The following KCNIP1 variants were observed in gnomAD, a reference collection of about 807,000 sequenced individuals.
The protein encoded by KCNIP1 is potassium voltage-gated channel interacting protein 1.
A neutral mutation model predicts 33.0 loss-of-function variants in KCNIP1; 18 were observed. That is an observed-to-expected ratio of 0.55 (90% CI 0.38 to 0.81). KCNIP1 has a LOEUF of 0.81. KCNIP1 is among the 30% of genes least tolerant of loss of function. KCNIP1 has a pLI of 0.00. For synonymous variants in KCNIP1, 93 were observed against 98.3 expected (o/e 0.95, Z 0.32); for missense variants, 238 against 271.6 (o/e 0.88, Z 0.87).
At chr5:170,707,333 G>A (rs1020651762) in intron 1 of KCNIP1, among the ~76,000 whole-genome samples, 117 of 152,214 alleles carry the variant, frequency 7.7e-4, no homozygotes, top group African/African-American at 2.7e-3. Context: ...CAGTGGTGAG[G>A]GCACGTGAGA....
chr5:170,641,088 G>A (rs777308459), intron 1 of KCNIP1, among the ~76,000 whole-genome samples: 7 of 151,994 alleles, frequency 4.6e-5, no homozygotes, highest in Non-Finnish European at 8.8e-5. Context: ...AAGCAGAGGC[G>A]GTCCCCACCT....
intron 2 of KCNIP1, 88 bp from the exon 3 acceptor site, chr5:170,720,233 G>A (rs1304614583): frequency 4.4e-6 from 4 of 909,966 alleles, no homozygotes; most frequent in Admixed American, 1.8e-5. Context: ...TGGGGATCAT[G>A]AGGAACCCCA....
chr5:170,530,522 T>C (rs1328692315), intron 1 of KCNIP1, among the ~76,000 whole-genome samples: 2 of 152,190 alleles, frequency 1.3e-5, no homozygotes, highest in African/African-American at 4.8e-5. Flanking sequence ...CTGCCTCTCA[T>C]ACCCAGGGAC....
chr5:170,420,925 G>T (rs1430578122), intron 1 of KCNIP1, among the ~76,000 whole-genome samples: 4 of 152,164 alleles, frequency 2.6e-5, no homozygotes, highest in African/African-American at 7.2e-5. Flanking sequence ...AGCCACGTAT[G>T]GCTGGGGTCT....
At chr5:170,516,993 G>T (rs544396426) in intron 1 of KCNIP1, among the ~76,000 whole-genome samples, 1 of 152,208 alleles carries the variant, frequency 6.6e-6, no homozygotes, top group Non-Finnish European at 1.5e-5. Context: ...TGGTGGTGAT[G>T]GGGATGGTGT....
At chr5:170,648,395 G>A (rs1228302573) in intron 1 of KCNIP1, among the ~76,000 whole-genome samples, 2 of 152,168 alleles carry the variant, frequency 1.3e-5, no homozygotes, top group Non-Finnish European at 2.9e-5. Flanking sequence ...CCTTCAGTGA[G>A]CGAATGGTTA....
In KCNIP1 at chr5:170,504,159, C is replaced by G; in HGVS notation, c.-414C>G. ...CCCAGCCCGAGCGCAGGGAGGGGAG[C>G]CGAGTGTGCGGCAGGAGGGGCGGGC... On this transcript the variant is annotated 5_prime_UTR_variant, in exon 1 of 8. Transcript: ENST00000328939. This position sits in a 1 kb window ranked among gnomAD's most constrained non-coding sequence, Gnocchi z 6.0. The G allele has an allele frequency of 1.0e-6, 1 of 1,003,506 alleles. No homozygotes were observed. Among genetic ancestry groups the G allele is most frequent in the Non-Finnish European group, 1.2e-6 (1 of 842,716 alleles). 62.2% of individuals were successfully genotyped at this position (1,003,506 alleles called of 1,614,324 possible).
intron 1 of KCNIP1, among the ~76,000 whole-genome samples, chr5:170,702,373 CATTT>C (rs1460365761): frequency 6.6e-6 from 1 of 152,208 alleles, no homozygotes; most frequent in Non-Finnish European, 1.5e-5. Flanking sequence ...CACATCTGTA[CATTT>C]AGAGGGCAGG....
chr5:170,690,604 A>T (rs968009187), intron 1 of KCNIP1, among the ~76,000 whole-genome samples: 2 of 152,240 alleles, frequency 1.3e-5, no homozygotes, highest in Admixed American at 6.5e-5. Flanking sequence ...TTTCAAGTCC[A>T]ACTCTGGGGC....
At chr5:170,600,877 G>A (rs1227344771) in intron 1 of KCNIP1, among the ~76,000 whole-genome samples, 1 of 152,122 alleles carries the variant, frequency 6.6e-6, no homozygotes, top group Non-Finnish European at 1.5e-5. Flanking sequence ...CATATAAATT[G>A]ATTAGTGCAG....
chr5:170,652,212 C>T (rs1476502892), intron 1 of KCNIP1, among the ~76,000 whole-genome samples: 1 of 151,922 alleles, frequency 6.6e-6, no homozygotes, highest in Non-Finnish European at 1.5e-5. Context: ...TTGGCTAGTG[C>T]GTGGCTAGTG....
At chr5:170,466,318 T>C (rs191113535) in intron 1 of KCNIP1, among the ~76,000 whole-genome samples, 49 of 152,332 alleles carry the variant, frequency 3.2e-4, no homozygotes, top group African/African-American at 1.1e-3. Flanking sequence ...CAAGCTGATA[T>C]GTAGATCCAC....
At chr5:170,361,850 C>T (rs1049716385) in intron 1 of KCNIP1, among the ~76,000 whole-genome samples, 4 of 152,192 alleles carry the variant, frequency 2.6e-5, no homozygotes, top group Non-Finnish European at 5.9e-5. Flanking sequence ...TCATCACCTC[C>T]CAAAGGCCCC....
At chr5:170,598,910 T>TGC (rs1554103645) in intron 1 of KCNIP1, among the ~76,000 whole-genome samples, 7 of 140,736 alleles carry the variant, frequency 5.0e-5, no homozygotes, top group Non-Finnish European at 7.9e-5. Flanking sequence ...TGCGCGTGTG[T>TGC]GTGTGTGTGT....
rs1561782065 is a variant in KCNIP1 at position 170,718,794 on chromosome 5, G to T, written c.98G>T (p.Cys33Phe). ...GATGAGCTGGAGATGACCATGGTTT[G>T]CCATCGGCCCGAGGGACTGGAGCAG... ...IEDELEMTMV[C>F]HRPEGLEQLE... Residue 33 changes from cysteine to phenylalanine, a missense_variant, in exon 2 of 8, where the codon TGC (cysteine) becomes TTC (phenylalanine). By Grantham distance (205) the Cys-to-Phe change is radical. Transcript: ENST00000328939. 1 of 1,612,768 alleles carries T rather than the reference G, an allele frequency of 6.2e-7. No homozygotes were observed. Among genetic ancestry groups the T allele is most frequent in the African/African-American group, 1.3e-5 (1 of 74,824 alleles).
chr5:170,572,490 G>T (rs753854918), intron 1 of KCNIP1, among the ~76,000 whole-genome samples: 5 of 152,072 alleles, frequency 3.3e-5, no homozygotes, highest in Non-Finnish European at 7.3e-5. Flanking sequence ...AGCGCCAAAG[G>T]AAAAATATTT....
intron 1 of KCNIP1, among the ~76,000 whole-genome samples, chr5:170,397,065 T>C (rs1322327889): frequency 6.6e-6 from 1 of 152,244 alleles, no homozygotes; most frequent in East Asian, 1.9e-4. Flanking sequence ...GTTTGTCATC[T>C]TAAGACCTCT....
At chr5:170,666,292 C>A (rs1209299084) in intron 1 of KCNIP1, among the ~76,000 whole-genome samples, 1 of 152,036 alleles carries the variant, frequency 6.6e-6, no homozygotes, top group Non-Finnish European at 1.5e-5. Context: ...GCTCCTATGT[C>A]CCCGTCATTG....
chr5:170,597,789 ATATATATAT>A (rs1561708585), intron 1 of KCNIP1, among the ~76,000 whole-genome samples: 25 of 2,282 alleles, frequency 0.011, no homozygotes, highest in Admixed American at 0.017. Context: ...AGATAAATAT[ATATATATAT>A]ATATATATAT....
Sources: allele counts gnomAD v4.1 joint callset (sites outside exome capture counted in the v4.1 genomes callset), GRCh38; gene constraint gnomAD v4.1.1; non-coding constraint Gnocchi (gnomAD v3.1); transcripts MANE v1.5; gene names NCBI Gene and HGNC (gene_info 2026-07-23, HGNC 2026-07-21).